The following LRRC9 variants were observed in gnomAD, a reference collection of about 807,000 sequenced individuals.
LRRC9 encodes the protein leucine-rich repeat-containing protein 9.
A neutral mutation model predicts 63.2 loss-of-function variants in LRRC9; 122 were observed. The observed-to-expected ratio is 1.93, with a 90% CI of 1.67 to 2.24. The LOEUF is 2.24. Ranked by LOEUF, LRRC9 falls within the 30% of genes most tolerant of loss-of-function variation. The pLI is 0.00. For synonymous variants in LRRC9, 366 were observed against 213.1 expected (o/e 1.72, Z -6.25); for missense variants, 1,071 against 627.7 (o/e 1.71, Z -7.55).
chr14:59,973,401 A>C (rs1885753268), intron 12 of LRRC9: 1 of 152,118 alleles, frequency 6.6e-6, no homozygotes, highest in South Asian at 2.1e-4. Flanking sequence ...TGAAAGTCTA[A>C]AAAGGTTACT....
intron 12 of LRRC9, among the ~76,000 whole-genome samples, chr14:59,972,327 G>T (rs1885605991): frequency 6.6e-6 from 1 of 152,098 alleles, no homozygotes; most frequent in African/African-American, 2.4e-5. Context: ...ACTGTAAACA[G>T]ATGATTTACT....
Position 60,051,011 on chromosome 14 carries a change from G to A in LRRC9, c.3991-2054G>A, listed in dbSNP as rs954034310. Among the ~76,000 whole-genome samples the A allele has an allele frequency of 6.6e-6, 1 of 152,214 alleles. No homozygotes were observed. The highest frequency in any genetic ancestry group is 2.4e-5 in the African/African-American group (1 of 41,444). On this transcript the variant is annotated intron_variant, in intron 29 of 31. Transcript: ENST00000445360. The surrounding 1 kb of genome is among the most constrained non-coding windows in gnomAD (Gnocchi z 4.7). ...GCTGGCCCAAATGCACCTGTAGGAG[G>A]TGTCTGGAGACCCCTGTTAAGAGTT...
chr14:59,972,943 T>C (rs1366198428), intron 12 of LRRC9, among the ~76,000 whole-genome samples: 1 of 152,138 alleles, frequency 6.6e-6, no homozygotes, highest in Non-Finnish European at 1.5e-5. Flanking sequence ...AAAAATTTTA[T>C]TATAACACAT....
Position 59,927,813 on chromosome 14 carries a change from A to G in LRRC9, c.-33-98A>G. The stretch of plus-strand genomic sequence containing the variant: ...ATATACTATGTGAAGATTTCAAACT[A>G]CAGTTGGGTGGTTCAACCTCAGTAG... On this transcript the variant is annotated intron_variant, in intron 1 of 31. Coordinates refer to ENST00000445360, the Ensembl canonical transcript of LRRC9. This position sits in a 1 kb window ranked among gnomAD's most constrained non-coding sequence, Gnocchi z 4.4. 2.0e-6 allele frequency: 1 copy of G among 505,566 alleles called. No individual in the cohort carries two copies. Among genetic ancestry groups the G allele is most frequent in the South Asian group, 3.1e-5 (1 of 31,970 alleles). 31.3% of individuals were successfully genotyped at this position (505,566 alleles called of 1,614,324 possible).
At chr14:59,992,410 C>T (rs1041116004) in intron 17 of LRRC9, among the ~76,000 whole-genome samples, 3 of 152,212 alleles carry the variant, frequency 2.0e-5, no homozygotes, top group Non-Finnish European at 4.4e-5. Flanking sequence ...AGCGCCTCTT[C>T]TCGTCCAAAG....
intron 29 of LRRC9, among the ~76,000 whole-genome samples, chr14:60,041,014 A>G (rs947607257): frequency 2.6e-5 from 4 of 151,930 alleles, no homozygotes; most frequent in Admixed American, 2.0e-4. Context: ...TCCTTCACTT[A>G]TGAAGCTTAG....
rs1002291972 is a variant in LRRC9 at position 59,923,933 on chromosome 14, A to G, written c.-33-3978A>G. Among the ~76,000 whole-genome samples, 3 of 152,236 alleles carry G rather than the reference A, an allele frequency of 2.0e-5. No homozygotes were observed. Among genetic ancestry groups the G allele is most frequent in the African/African-American group, 4.8e-5 (2 of 41,468 alleles). Reference sequence around the variant, plus strand: ...TGTACTCCAGCCTGGGAGACAGAGCAAGACTCCGTCTTAAAACAACAATAA... The same window carrying G: ...TGTACTCCAGCCTGGGAGACAGAGCGAGACTCCGTCTTAAAACAACAATAA... On this transcript the variant is annotated intron_variant, in intron 1 of 31. Transcript: ENST00000445360. This position sits in a 1 kb window ranked among gnomAD's most constrained non-coding sequence, Gnocchi z 4.2.
intron 13 of LRRC9, among the ~76,000 whole-genome samples, chr14:59,975,141 A>G (rs1340772938): frequency 8.7e-5 from 1 of 11,444 alleles, no homozygotes; most frequent in Non-Finnish European, 2.9e-4. Context: ...ATATATATAC[A>G]TATATATATG....
intron 28 of LRRC9, among the ~76,000 whole-genome samples, chr14:60,029,831 CTTCT>C (rs1370845283): frequency 2.0e-5 from 3 of 152,078 alleles, no homozygotes; most frequent in Non-Finnish European, 4.4e-5. Flanking sequence ...ATGACCAGCT[CTTCT>C]TTGTTTTTAT....
chr14:59,939,036 C>CAT (rs1226007658), intron 7 of LRRC9, among the ~76,000 whole-genome samples: 5 of 145,890 alleles, frequency 3.4e-5, no homozygotes, highest in Admixed American at 2.1e-4. Context: ...CATATATACA[C>CAT]ATATATACAT....
chr14:59,946,149 TAA>T (rs1052125540), intron 8 of LRRC9, among the ~76,000 whole-genome samples: 1 of 151,446 alleles, frequency 6.6e-6, no homozygotes, highest in South Asian at 2.1e-4. Flanking sequence ...AAATGTTTAA[TAA>T]GAGAAGAGTT....
At position 60,018,419 on chromosome 14, in the gene LRRC9, GA is replaced by G; in HGVS notation, c.3368del (p.Asn1123IlefsTer13). ...ACCAATTTAGAAATGTGTGTAATGT[GA>G]ATCTACAGAACAATCATCTTACCTC... On this transcript the variant is annotated frameshift_variant, in exon 25 of 32. Coordinates refer to ENST00000445360, the Ensembl canonical transcript of LRRC9. LOFTEE classifies it high-confidence loss of function. 1 of 700,474 alleles carries G rather than the reference GA, an allele frequency of 1.4e-6. No homozygotes were observed. The highest frequency in any genetic ancestry group is 2.6e-6 in the Non-Finnish European group (1 of 383,324). The allele number at this position is 700,474 out of a possible 1,614,324, so 43.4% of individuals were successfully genotyped here.
In LRRC9 at chr14:59,966,686, G is replaced by A. The variant is rs1884890425; in HGVS notation, c.1309G>A (p.Val437Ile). The A allele has an allele frequency of 1.4e-6, 1 of 697,524 alleles. No individual in the cohort carries two copies. The highest frequency in any genetic ancestry group is 1.8e-5 in the African/African-American group (1 of 56,980). 43.2% of individuals were successfully genotyped at this position (697,524 alleles called of 1,614,324 possible). Reference sequence around the variant, plus strand: ...AGTAAAAGTAAAACGCATCATTAAAGTTAACAACCGTATTCTGAGACTAAA... The same window carrying A: ...AGTAAAAGTAAAACGCATCATTAAAATTAACAACCGTATTCTGAGACTAAA... Residue 437 changes from valine (V) to isoleucine (I), a missense_variant, in exon 11 of 32, where the codon GTT (valine) becomes ATT (isoleucine). Coordinates refer to ENST00000445360, the Ensembl canonical transcript of LRRC9. The surrounding 1 kb of genome is among the most constrained non-coding windows in gnomAD (Gnocchi z 4.0).
intron 17 of LRRC9, among the ~76,000 whole-genome samples, chr14:59,995,741 A>G (rs941210194): frequency 8.1e-5 from 12 of 148,414 alleles, no homozygotes; most frequent in Admixed American, 3.4e-4. Flanking sequence ...TTTTTGTTAT[A>G]TTTTATTTTA....
At chr14:59,960,891 G>C in intron 9 of LRRC9, 23 bp from the exon 10 acceptor site, 3 of 617,364 alleles carry the variant, frequency 4.9e-6, no homozygotes, top group Non-Finnish European at 8.7e-6. Flanking sequence ...TCTAATAGCT[G>C]TATGTATTTT....
rs115130107 is a variant in LRRC9 at position 59,942,347 on chromosome 14, T to C, written c.727-2242T>C. Among the ~76,000 whole-genome samples, 552 of 152,306 alleles carry C rather than the reference T, an allele frequency of 3.6e-3. 5 individuals are homozygous for C. Among genetic ancestry groups the C allele is most frequent in the African/African-American group, 0.013 (529 of 41,574 alleles). Reference sequence around the variant, plus strand: ...TTTGATACACTGATTTCCTTTGTTTTGGATAAATACCCAGGAGTGAGATTG... The same window carrying C: ...TTTGATACACTGATTTCCTTTGTTTCGGATAAATACCCAGGAGTGAGATTG... On this transcript the variant is annotated intron_variant, in intron 7 of 31. Transcript: ENST00000445360. The surrounding 1 kb of genome is among the most constrained non-coding windows in gnomAD (Gnocchi z 5.3).
intron 6 of LRRC9, among the ~76,000 whole-genome samples, chr14:59,933,235 A>G (rs1487185916): frequency 6.6e-6 from 1 of 151,660 alleles, no homozygotes; most frequent in East Asian, 1.9e-4. Context: ...AGCACTCCCT[A>G]TCACAGTGCC....
intron 1 of LRRC9, among the ~76,000 whole-genome samples, chr14:59,920,640 G>A (rs1363738380): frequency 6.6e-6 from 1 of 152,136 alleles, no homozygotes; most frequent in Admixed American, 6.5e-5. Flanking sequence ...GTAACTGATG[G>A]ATTCTGATCC....
At chr14:60,048,414 G>C (rs1485359376) in intron 29 of LRRC9, among the ~76,000 whole-genome samples, 2 of 152,090 alleles carry the variant, frequency 1.3e-5, no homozygotes, top group Non-Finnish European at 2.9e-5. Flanking sequence ...AAGAAGAAAA[G>C]AGAGAAGAAT....
Sources: gnomAD v4.1 joint callset for allele counts (sites outside exome capture counted in the v4.1 genomes callset) on GRCh38, gnomAD v4.1.1 for gene constraint, Gnocchi (gnomAD v3.1) non-coding constraint, MANE v1.5 for transcripts, NCBI Gene and HGNC (gene_info 2026-07-23, HGNC 2026-07-21) for gene names.